HSPA14: variants seen among roughly 807,000 people sequenced by gnomAD.
HSPA14 encodes heat shock protein family A (Hsp70) member 14, also known as heat shock 70 kDa protein 14.
Under a neutral mutation model 65.5 loss-of-function variants are expected in HSPA14, and 37 were observed. The observed-to-expected ratio is 0.56, with a 90% CI of 0.43 to 0.74. The LOEUF (loss-of-function observed/expected upper bound fraction) is 0.74, where lower values mean the gene tolerates loss of function less well. HSPA14 is among the 30% of genes least tolerant of loss of function. The probability of loss-of-function intolerance (pLI) is 0.00; values close to 1 mark genes in which losing one functional copy is unlikely to be tolerated. For missense variants in HSPA14, 564 were observed against 607.6 expected (o/e 0.93, Z 0.75); for synonymous variants, 203 against 214.2 (o/e 0.95, Z 0.46).
rs1458102102 is a variant in HSPA14 at position 14,840,124 on chromosome 10, C to T, written c.188C>T (p.Thr63Ile). Residue 63 changes from threonine to isoleucine, a missense_variant, in exon 3 of 14, where the codon ACA becomes ATA. Coordinates refer to ENST00000378372, the MANE Select transcript of HSPA14 (RefSeq NM_016299.4). The stretch of plus-strand genomic sequence containing the variant: ...AGTAGAATAAGAAATATTTCAAATA[C>T]AGTAATGAAAGTAAAGCAGATCCTG... ...KQSRIRNISN[T>I]VMKVKQILGR... 6.8e-7 allele frequency: 1 copy of T among 1,467,180 alleles called. No individual in the cohort carries two copies. The highest frequency in any genetic ancestry group is 9.1e-7 in the Non-Finnish European group (1 of 1,098,158). 90.9% of individuals were successfully genotyped at this position (1,467,180 alleles called of 1,614,324 possible). A position where few individuals can be genotyped will look rare whatever the true frequency, so the allele number is the denominator to read the frequency against.
chr10:14,841,990 C>A (rs1833979730), intron 3 of HSPA14: 1 of 529,240 alleles, frequency 1.9e-6, no homozygotes, highest in Non-Finnish European at 3.5e-6. Flanking sequence ...GCCGTGTCTA[C>A]CCTGGGTGAA....
intron 3 of HSPA14, chr10:14,844,296 A>G (rs1436233371): frequency 9.1e-7 from 1 of 1,095,696 alleles, no homozygotes; most frequent in Non-Finnish European, 1.1e-6. Context: ...TAAAAGTTTA[A>G]AAGCACTGTA....
chr10:14,855,091 C>T (rs1417357942), intron 9 of HSPA14, among the ~76,000 whole-genome samples: 1 of 152,006 alleles, frequency 6.6e-6, no homozygotes, highest in Admixed American at 6.6e-5. Flanking sequence ...TGTCCAAGTC[C>T]TCGGTATATA....
intron 10 of HSPA14, among the ~76,000 whole-genome samples, chr10:14,865,817 T>C (rs7904893): frequency 0.087 from 13,249 of 152,238 alleles, 1,159 homozygotes; most frequent in East Asian, 0.27. Flanking sequence ...TGGTTCCATA[T>C]GAACTTTACA....
At chr10:14,859,480 A>C (rs375134033) in intron 10 of HSPA14, among the ~76,000 whole-genome samples, 8 of 152,156 alleles carry the variant, frequency 5.3e-5, no homozygotes, top group African/African-American at 9.7e-5. Flanking sequence ...TTGCCTTTCT[A>C]TCTTTACCTT....
chr10:14,848,937 T>C, intron 5 of HSPA14, 42 bp downstream of exon 5: 1 of 1,090,914 alleles, frequency 9.2e-7, no homozygotes, highest in Non-Finnish European at 1.4e-6. Flanking sequence ...TTAATGATCT[T>C]TTGAAAGTTG....
intron 1 of HSPA14, 113 bp from the exon 2 acceptor site, chr10:14,839,792 A>C: frequency 1.6e-6 from 1 of 617,370 alleles, no homozygotes; most frequent in Non-Finnish European, 2.8e-6. Context: ...CAAGTTTAAA[A>C]TATTGAGATA....
At chr10:14,860,964 C>G (rs1832745863) in intron 10 of HSPA14, among the ~76,000 whole-genome samples, 1 of 151,996 alleles carries the variant, frequency 6.6e-6, no homozygotes, top group Non-Finnish European at 1.5e-5. Flanking sequence ...AGGAAGAGAA[C>G]CAGGAAGGCA....
chr10:14,869,355 G>T (rs1328163044), intron 12 of HSPA14, among the ~76,000 whole-genome samples: 5 of 151,358 alleles, frequency 3.3e-5, no homozygotes, highest in Non-Finnish European at 7.4e-5. Flanking sequence ...AGAGTGCAGT[G>T]GCATGATTTC....
intron 10 of HSPA14, among the ~76,000 whole-genome samples, chr10:14,865,038 C>T (rs547108444): frequency 1.3e-5 from 2 of 152,020 alleles, no homozygotes; most frequent in Admixed American, 6.6e-5. Context: ...ATGGTATCTC[C>T]TTGTGGTTTT....
At chr10:14,840,831 A>C (rs1833963492) in intron 3 of HSPA14, among the ~76,000 whole-genome samples, 1 of 152,160 alleles carries the variant, frequency 6.6e-6, no homozygotes, top group African/African-American at 2.4e-5. Flanking sequence ...CACATCTATT[A>C]TTTTATTTAA....
Position 14,840,146 on chromosome 10 carries a change from C to A in HSPA14, c.210C>A (p.Ile70=). The A allele has an allele frequency of 7.0e-7, 1 of 1,434,280 alleles. No individual in the cohort carries two copies. The highest frequency in any genetic ancestry group is 9.3e-7 in the Non-Finnish European group (1 of 1,073,262). The allele number at this position is 1,434,280 out of a possible 1,614,324, so 88.8% of individuals were successfully genotyped here. A position where few individuals can be genotyped will look rare whatever the true frequency, so the allele number is the denominator to read the frequency against. Residue 70 remains isoleucine (I), a synonymous_variant, in exon 3 of 14, where the codon ATC becomes ATA. Coordinates refer to ENST00000378372, the MANE Select transcript of HSPA14 (RefSeq NM_016299.4). ...ISNTVMKVKQ[I]LGRSSSDPQA... Reference sequence around the variant, plus strand: ...ATACAGTAATGAAAGTAAAGCAGATCCTGGGCAGAAGGTATGGAATCAAAT... The same window carrying A: ...ATACAGTAATGAAAGTAAAGCAGATACTGGGCAGAAGGTATGGAATCAAAT...
chr10:14,850,929 T>C lies in HSPA14; in HGVS notation c.468-290T>C, dbSNP rs114567090. 1,586 of 204,848 alleles carry C rather than the reference T, an allele frequency of 7.7e-3. 31 individuals are homozygous for C. Among genetic ancestry groups the C allele is most frequent in the African/African-American group, 0.035 (1,514 of 43,004 alleles). The allele number at this position is 204,848 out of a possible 1,614,324, so 12.7% of individuals were successfully genotyped here. On this transcript the variant is annotated intron_variant, in intron 6 of 13. Coordinates refer to ENST00000378372, the MANE Select transcript of HSPA14 (RefSeq NM_016299.4). The stretch of plus-strand genomic sequence containing the variant: ...AGACTCTCATCTTTTGAACTTTTTT[T>C]TTTAAACATGGATATTTTTGAGAGC...
At chr10:14,838,895 G>A (rs1416426775) in intron 1 of HSPA14, among the ~76,000 whole-genome samples, 1 of 152,188 alleles carries the variant, frequency 6.6e-6, no homozygotes, top group Non-Finnish European at 1.5e-5. Context: ...TGACGTCAGG[G>A]CCTCAGGATT....
rs538508153 is a variant in HSPA14, at chr10:14,865,914, C to T, written c.994-1169C>T. Among the ~76,000 whole-genome samples the T allele has an allele frequency of 3.3e-5, 5 of 152,246 alleles. No homozygotes were observed. The East Asian group carries it at 9.6e-4, about 29-fold the overall frequency. On this transcript the variant is annotated intron_variant, in intron 10 of 13. Transcript: ENST00000378372. ...TATAAATTACCCTGGGCAGTATGGC[C>T]ATTTTCATGATATTGATTCTTCCTA... is the stretch of plus-strand genomic sequence containing the variant.
intron 3 of HSPA14, chr10:14,841,269 G>A (rs1833967950): frequency 6.6e-6 from 1 of 152,106 alleles, no homozygotes; most frequent in African/African-American, 2.4e-5. Context: ...ATAAAACTTA[G>A]TACCGAGCAT....
At position 14,842,853 on chromosome 10, in the gene HSPA14, C is replaced by A; in HGVS notation, c.221+2696C>A. ...GATGAATCCTCGGGTGCAGGTAACT[C>A]CCAAGCATGTGAAGGAGTTGGGTCC... On this transcript the variant is annotated intron_variant, in intron 3 of 13. Coordinates refer to ENST00000378372, the MANE Select transcript of HSPA14 (RefSeq NM_016299.4). The surrounding 1 kb of genome is among the most constrained non-coding windows in gnomAD (Gnocchi z 5.2). 1 of 1,516,348 alleles carries A rather than the reference C, an allele frequency of 6.6e-7. No homozygotes were observed. The highest frequency in any genetic ancestry group is 1.2e-5 in the South Asian group (1 of 81,994). The allele number at this position is 1,516,348 out of a possible 1,614,324, so 93.9% of individuals were successfully genotyped here. A position where few individuals can be genotyped will look rare whatever the true frequency, so the allele number is the denominator to read the frequency against.
At chr10:14,838,568 G>A (rs1470939298) in intron 1 of HSPA14, 109 bp downstream of exon 1, 8 of 1,110,058 alleles carry the variant, frequency 7.2e-6, no homozygotes, top group Non-Finnish European at 1.0e-5. Flanking sequence ...GGGATGTCGT[G>A]GAGTGGCGTT....
At chr10:14,846,804 A>T in intron 3 of HSPA14, 1 of 985,442 alleles carries the variant, frequency 1.0e-6, no homozygotes, top group Non-Finnish European at 1.2e-6. Context: ...TGGGCTGTTG[A>T]CCGTAAGGGA....
Sources: gnomAD v4.1 joint callset for allele counts (sites outside exome capture counted in the v4.1 genomes callset) on GRCh38, gnomAD v4.1.1 for gene constraint, Gnocchi (gnomAD v3.1) non-coding constraint, MANE v1.5 for transcripts, NCBI Gene and HGNC (gene_info 2026-07-23, HGNC 2026-07-21) for gene names.